The following SNRPN variants were observed in gnomAD, a reference collection of about 807,000 sequenced individuals.
The protein encoded by SNRPN is small nuclear ribonucleoprotein-associated protein N.
Under a neutral mutation model 25.2 loss-of-function variants are expected in SNRPN, and 7 were observed. The observed-to-expected ratio is 0.28, with a 90% CI of 0.16 to 0.52. The LOEUF is 0.52. Ranked by LOEUF, SNRPN falls within the 20% of genes least tolerant of loss-of-function variation. The pLI is 0.96. For synonymous variants in SNRPN, 124 were observed against 110.6 expected (o/e 1.12, Z -0.76); for missense variants, 196 against 322.5 (o/e 0.61, Z 3.00).
At chr15:24,917,497 T>G (rs192131262) in intron 2 of SNRPN, among the ~76,000 whole-genome samples, 213 of 152,348 alleles carry the variant, frequency 1.4e-3, no homozygotes, top group Non-Finnish European at 2.0e-3. Context: ...TCAGGGGATG[T>G]TCCATGCCTG....
rs539616466 is a variant in SNRPN at position 24,850,007 on chromosome 15, C to T, written c.-579+20102C>T. ...AAATTAGATTTTGATTCAGAGTCATCGATGTCTTCACACCACCCTCTGTGG... is the reference window on the plus strand; with the variant it reads ...AAATTAGATTTTGATTCAGAGTCATTGATGTCTTCACACCACCCTCTGTGG... On this transcript the variant is annotated intron_variant, in intron 2 of 12. Coordinates refer to the SNRPN transcript ENST00000400100. 3.5e-4 allele frequency: 53 copies of T among 152,270 alleles called. No homozygotes were observed. In the East Asian group the frequency reaches 7.5e-3, roughly 22 times the overall value. The allele number at this position is 152,270 out of a possible 1,614,324, so 9.4% of individuals were successfully genotyped here. A position where few individuals can be genotyped will look rare whatever the true frequency, so the allele number is the denominator to read the frequency against.
chr15:24,922,069 C>T (rs1005232385), intron 3 of SNRPN, among the ~76,000 whole-genome samples: 349 of 148,798 alleles, frequency 2.3e-3, no homozygotes, highest in African/African-American at 8.2e-3. Flanking sequence ...AAAAATTAGC[C>T]GGGCACCGTG....
rs566072057 is a variant in SNRPN at position 24,882,251 on chromosome 15, A to G, written c.-578-4265A>G. 2.0e-5 allele frequency among the ~76,000 whole-genome samples: 3 copies of G among 152,242 alleles called. No homozygotes were observed. The East Asian group carries it at 5.8e-4, about 29-fold the overall frequency. On this transcript the variant is annotated intron_variant, in intron 1 of 11. Transcript: ENST00000400097. ...TACAAAGCCTTTAAAAAAAAAATTC[A>G]GTTACTCTAGATTCAGATTTTAATT...
upstream of SNRPN, chr15:24,954,824 G>C (rs559744374): frequency 8.2e-4 from 509 of 617,872 alleles, no homozygotes; most frequent in Admixed American, 1.7e-3. Context: ...TGGGGCCCTA[G>C]GGGTCCAGTA....
At position 24,887,470 on chromosome 15, in the gene SNRPN, T is replaced by C. The variant is rs531205819; in HGVS notation, c.-505+881T>C. On this transcript the variant is annotated intron_variant, in intron 2 of 11. Transcript: ENST00000400097. ...GCCTCACTGAGGTCTTAATGCTGAG[T>C]TGAACTTTGTCTCTGGCCATGAGCA... Among the ~76,000 whole-genome samples, 6 of 151,516 alleles carry C rather than the reference T, an allele frequency of 4.0e-5. 1 individual carries two copies. The highest frequency in any genetic ancestry group is 1.4e-4 in the African/African-American group (6 of 41,402).
chr15:24,926,979 C>T (rs1176120429), intron 3 of SNRPN, among the ~76,000 whole-genome samples: 1 of 152,098 alleles, frequency 6.6e-6, no homozygotes, highest in Non-Finnish European at 1.5e-5. Flanking sequence ...CCACTGCACT[C>T]CAGCCTGGGT....
intron 3 of SNRPN, among the ~76,000 whole-genome samples, chr15:24,972,618 A>G (rs896952018): frequency 5.4e-5 from 8 of 149,274 alleles, no homozygotes; most frequent in African/African-American, 2.0e-4. Context: ...ATCTCCGCTC[A>G]AAAAGATACT....
chr15:24,975,785 G>T (rs1183651906), intron 5 of SNRPN, among the ~76,000 whole-genome samples: 1 of 152,130 alleles, frequency 6.6e-6, no homozygotes, highest in Admixed American at 6.5e-5. Context: ...TGAGAAAAAT[G>T]CTATATTAAT....
intron 2 of SNRPN, among the ~76,000 whole-genome samples, chr15:24,915,990 G>A (rs917322504): frequency 5.8e-5 from 1 of 17,302 alleles, no homozygotes; most frequent in African/African-American, 2.6e-4. Context: ...TTTTTTTTTT[G>A]AGATGGAGTC....
intron 2 of SNRPN, among the ~76,000 whole-genome samples, chr15:24,907,698 G>A (rs2058917385): frequency 6.6e-6 from 1 of 151,836 alleles, no homozygotes; most frequent in Non-Finnish European, 1.5e-5. Context: ...CTCCCACCTC[G>A]GCCTCCCAAA....
chr15:24,974,950 A>C, intron 4 of SNRPN: 1 of 702,864 alleles, frequency 1.4e-6, no homozygotes, highest in Non-Finnish European at 2.6e-6. Flanking sequence ...CAGATGATGG[A>C]CTCTCAGGTC....
intron 2 of SNRPN, among the ~76,000 whole-genome samples, chr15:24,843,612 G>A (rs540336151): frequency 5.3e-5 from 8 of 152,050 alleles, no homozygotes; most frequent in African/African-American, 1.7e-4. Context: ...GTGAAACCCC[G>A]TCTCTACTAA....
upstream of SNRPN, among the ~76,000 whole-genome samples, chr15:24,854,022 T>C (rs1442513083): frequency 1.3e-5 from 2 of 152,230 alleles, no homozygotes; most frequent in Non-Finnish European, 2.9e-5. Flanking sequence ...TTCACTCATT[T>C]ATTTATATCA....
chr15:24,870,596 T>C (rs2055001686), intron 1 of SNRPN, among the ~76,000 whole-genome samples: 1 of 149,120 alleles, frequency 6.7e-6, no homozygotes, highest in South Asian at 2.1e-4. Context: ...TCATCCACAC[T>C]CTCATGAAGA....
intron 2 of SNRPN, among the ~76,000 whole-genome samples, chr15:24,890,679 A>AAAAAAC (rs1485585476): frequency 2.6e-5 from 4 of 152,168 alleles, no homozygotes; most frequent in Non-Finnish European, 5.9e-5. Context: ...ACTCTGTCTC[A>AAAAAAC]AAAAACAAAA....
At chr15:24,938,491 T>C (rs549580226) in intron 3 of SNRPN, among the ~76,000 whole-genome samples, 7 of 152,232 alleles carry the variant, frequency 4.6e-5, no homozygotes, top group African/African-American at 1.7e-4. Context: ...CACTGTCTGG[T>C]CTTGAACTCC....
At chr15:24,865,715 G>A (rs899251153) in intron 1 of SNRPN, among the ~76,000 whole-genome samples, 2 of 152,076 alleles carry the variant, frequency 1.3e-5, no homozygotes, top group Non-Finnish European at 2.9e-5. Flanking sequence ...CATGGCCTTA[G>A]GTCTTATTTA....
At position 24,893,232 on chromosome 15, in the gene SNRPN, C is replaced by A. The variant is rs113311771; in HGVS notation, c.-505+6643C>A. On this transcript the variant is annotated intron_variant, in intron 2 of 11. Transcript: ENST00000400097. ...CAAAACAAACAAACAAACAAACAAA[C>A]AAAAACAGAAAAGAAGAAAAGAAAG... Among the ~76,000 whole-genome samples the A allele has an allele frequency of 5.2e-4, 29 of 56,250 alleles. No homozygotes were observed. The East Asian group carries it at 0.019, about 37-fold the overall frequency. The allele number at this position is 56,250 out of a possible 152,430, so 36.9% of individuals were successfully genotyped here.
intron 1 of SNRPN, among the ~76,000 whole-genome samples, chr15:24,861,656 T>C (rs774460369): frequency 1.2e-4 from 19 of 152,210 alleles, no homozygotes; most frequent in Non-Finnish European, 2.4e-4. Context: ...TGATAGGAAG[T>C]TCTCAGGTCA....
Sources: gnomAD v4.1 joint callset for allele counts (sites outside exome capture counted in the v4.1 genomes callset) on GRCh38, gnomAD v4.1.1 for gene constraint, MANE v1.5 for transcripts, NCBI Gene and HGNC (gene_info 2026-07-23, HGNC 2026-07-21) for gene names.